The following SUGCT variants were observed in gnomAD, a reference collection of about 807,000 sequenced individuals.
SUGCT encodes the protein succinyl-CoA:glutarate-CoA transferase, also known as succinyl-CoA:glutarate CoA-transferase.
SUGCT carries 41 observed loss-of-function variants against 55.0 expected under a neutral mutation model. The observed-to-expected ratio is 0.74, with a 90% CI of 0.58 to 0.97. The LOEUF is 0.97. Ranked by LOEUF, SUGCT falls within the 50% of genes least tolerant of loss-of-function variation. SUGCT has a pLI of 0.00. For missense variants in SUGCT, 568 were observed against 547.8 expected (o/e 1.04, Z -0.37); for synonymous variants, 187 against 200.4 (o/e 0.93, Z 0.56).
chr7:40,148,906 C>T (rs10263620), intron 1 of SUGCT, among the ~76,000 whole-genome samples: 10,497 of 152,166 alleles, frequency 0.069, 1,108 homozygotes, highest in African/African-American at 0.23. Flanking sequence ...CAGGCTTTAT[C>T]TTCTGAAAGG....
At chr7:40,609,985 G>A (rs1034804) in intron 12 of SUGCT, among the ~76,000 whole-genome samples, 7 of 152,024 alleles carry the variant, frequency 4.6e-5, no homozygotes, top group African/African-American at 1.7e-4. Flanking sequence ...TTGAGCTCTT[G>A]GTATTATAGG....
At chr7:40,727,564 C>T (rs996089898) in intron 12 of SUGCT, among the ~76,000 whole-genome samples, 8 of 152,162 alleles carry the variant, frequency 5.3e-5, no homozygotes, top group African/African-American at 1.9e-4. Context: ...TGCTGAAGCT[C>T]AGCAAGAAAT....
chr7:40,587,454 T>C (rs1432058383), intron 12 of SUGCT, among the ~76,000 whole-genome samples: 1 of 152,200 alleles, frequency 6.6e-6, no homozygotes. Context: ...ATGATAGATA[T>C]ATAAATATAT....
chr7:40,797,527 G>A (rs948564780), intron 13 of SUGCT, among the ~76,000 whole-genome samples: 7 of 152,040 alleles, frequency 4.6e-5, no homozygotes, highest in Non-Finnish European at 2.9e-5. Flanking sequence ...CATCCATCTG[G>A]TCAACAGAAC....
chr7:40,245,029 A>G (rs1449413343), intron 7 of SUGCT, among the ~76,000 whole-genome samples: 1 of 151,980 alleles, frequency 6.6e-6, no homozygotes. Flanking sequence ...TTCAAAACCA[A>G]GCAAAATAGT....
chr7:40,550,842 C>T (rs1368214366), intron 12 of SUGCT, among the ~76,000 whole-genome samples: 3 of 152,152 alleles, frequency 2.0e-5, no homozygotes, highest in Non-Finnish European at 4.4e-5. Context: ...AGTTCACATA[C>T]ATTTCATCTT....
chr7:40,263,243 G>A (rs1220987789), intron 7 of SUGCT, among the ~76,000 whole-genome samples: 1 of 152,148 alleles, frequency 6.6e-6, no homozygotes, highest in Non-Finnish European at 1.5e-5. Flanking sequence ...CTCATGAATT[G>A]TAAAATAGTG....
intron 8 of SUGCT, among the ~76,000 whole-genome samples, chr7:40,315,794 C>A (rs1562672625): frequency 6.6e-6 from 1 of 152,142 alleles, no homozygotes; most frequent in Non-Finnish European, 1.5e-5. Flanking sequence ...GGTGCTATAT[C>A]ATGATTATGT....
chr7:40,293,220 AT>A (rs1056767857), intron 8 of SUGCT, among the ~76,000 whole-genome samples: 1 of 152,146 alleles, frequency 6.6e-6, no homozygotes, highest in African/African-American at 2.4e-5. Flanking sequence ...AGTATTAACC[AT>A]TTTGTTGTTG....
At chr7:40,284,677 T>C (rs1296110707) in intron 8 of SUGCT, among the ~76,000 whole-genome samples, 3 of 151,668 alleles carry the variant, frequency 2.0e-5, no homozygotes, top group Non-Finnish European at 2.9e-5. Flanking sequence ...CACAGTGTAG[T>C]CATAGATCAA....
intron 9 of SUGCT, among the ~76,000 whole-genome samples, chr7:40,365,082 T>A (rs1783859108): frequency 6.6e-6 from 1 of 152,134 alleles, no homozygotes; most frequent in South Asian, 2.1e-4. Flanking sequence ...GTGGGCTTCA[T>A]CCCTGGGATG....
At chr7:40,487,078 C>CT (rs745766266) in intron 11 of SUGCT, among the ~76,000 whole-genome samples, 9,263 of 93,844 alleles carry the variant, frequency 0.099, 1,826 homozygotes, top group African/African-American at 0.33. Context: ...TGATTTCAAT[C>CT]TTTTTTTTTT....
In SUGCT at chr7:40,507,777, G is replaced by A. The variant is rs549019578; in HGVS notation, c.1089+11391G>A. Among the ~76,000 whole-genome samples, 9 of 152,220 alleles carry A rather than the reference G, an allele frequency of 5.9e-5. No homozygotes were observed. In the East Asian group the frequency reaches 1.7e-3, roughly 29 times the overall value. Reference sequence around the variant, plus strand: ...AACCTGATGAATACTTTCAGGTCTGGCCCCAAATTGTGCTTTGATTACCCC... The same window carrying A: ...AACCTGATGAATACTTTCAGGTCTGACCCCAAATTGTGCTTTGATTACCCC... On this transcript the variant is annotated intron_variant, in intron 12 of 13. Transcript: ENST00000335693.
intron 9 of SUGCT, among the ~76,000 whole-genome samples, chr7:40,436,117 A>G (rs1196384817): frequency 6.6e-6 from 1 of 151,490 alleles, no homozygotes; most frequent in Non-Finnish European, 1.5e-5. Flanking sequence ...TAATTTTTGT[A>G]TTTTTAGTAG....
intron 13 of SUGCT, among the ~76,000 whole-genome samples, chr7:40,833,321 C>CT (rs869037138): frequency 1.5e-5 from 2 of 136,462 alleles, no homozygotes; most frequent in South Asian, 2.4e-4. Flanking sequence ...AGTTTTTTCC[C>CT]TTTTTTTCTA....
At chr7:40,150,040 C>T (rs2150602519) in intron 1 of SUGCT, among the ~76,000 whole-genome samples, 1 of 150,334 alleles carries the variant, frequency 6.7e-6, no homozygotes, top group Non-Finnish European at 1.5e-5. Context: ...TTGCAGTGAG[C>T]CAAGATCACG....
At chr7:40,291,518 G>C in intron 8 of SUGCT, among the ~76,000 whole-genome samples, 2 of 109,398 alleles carry the variant, frequency 1.8e-5, no homozygotes, top group Non-Finnish European at 3.6e-5. Context: ...GGTGGGGGGA[G>C]GGGGGAGGGA....
At chr7:40,702,848 A>G (rs1785224412) in intron 12 of SUGCT, among the ~76,000 whole-genome samples, 2 of 152,166 alleles carry the variant, frequency 1.3e-5, no homozygotes, top group South Asian at 2.1e-4. Context: ...ACAGCTAAAC[A>G]TGGAATTCTT....
intron 13 of SUGCT, among the ~76,000 whole-genome samples, chr7:40,814,847 G>A (rs55992488): frequency 0.087 from 13,256 of 152,042 alleles, 669 homozygotes; most frequent in Middle Eastern, 0.17. Context: ...TTTAGTGTGG[G>A]TAGGATTTTT....
Sources: gnomAD v4.1 joint callset for allele counts (sites outside exome capture counted in the v4.1 genomes callset) on GRCh38, gnomAD v4.1.1 for gene constraint, MANE v1.5 for transcripts, NCBI Gene and HGNC (gene_info 2026-07-23, HGNC 2026-07-21) for gene names.